Variants in STX8 observed in about 807,000 individuals in gnomAD.
STX8 encodes the protein syntaxin-8.
A neutral mutation model predicts 37.5 loss-of-function variants in STX8; 23 were observed. That is an observed-to-expected ratio of 0.61 (90% CI 0.44 to 0.87). The LOEUF (loss-of-function observed/expected upper bound fraction) is 0.87. Among genes scored for constraint, STX8 ranks in the 40% least tolerant of loss-of-function variants. The pLI is 0.00. For synonymous variants in STX8, 115 were observed against 99.1 expected (o/e 1.16, Z -0.95); for missense variants, 313 against 284.7 (o/e 1.10, Z -0.71).
chr17:9,455,105 A>C (rs748234222), intron 6 of STX8, among the ~76,000 whole-genome samples: 6 of 152,042 alleles, frequency 3.9e-5, no homozygotes, highest in Non-Finnish European at 8.8e-5. Flanking sequence ...AGTCCCAACT[A>C]CTTGGAAGGC....
At chr17:9,405,353 G>A (rs1165729108) in intron 6 of STX8, among the ~76,000 whole-genome samples, 1 of 152,152 alleles carries the variant, frequency 6.6e-6, no homozygotes, top group South Asian at 2.1e-4. Context: ...TTGGGGTTCT[G>A]AATGGCCATG....
At chr17:9,356,693 G>A (rs548666255) in intron 7 of STX8, among the ~76,000 whole-genome samples, 30 of 152,334 alleles carry the variant, frequency 2.0e-4, no homozygotes, top group African/African-American at 7.0e-4. Flanking sequence ...GCAAGTGTCT[G>A]TATTCTAACA....
chr17:9,363,940 GCTT>G (rs1911144250), intron 7 of STX8, among the ~76,000 whole-genome samples: 1 of 152,060 alleles, frequency 6.6e-6, no homozygotes, highest in African/African-American at 2.4e-5. Flanking sequence ...TCTCTCAAAG[GCTT>G]CAATTTGCCT....
intron 6 of STX8, among the ~76,000 whole-genome samples, chr17:9,380,468 G>A (rs73257812): frequency 0.019 from 2,886 of 151,684 alleles, 75 homozygotes; most frequent in African/African-American, 0.065. Context: ...CACCCAGGCT[G>A]GTCTCAAACT....
intron 6 of STX8, among the ~76,000 whole-genome samples, chr17:9,404,533 C>T (rs1912740865): frequency 6.6e-6 from 1 of 152,056 alleles, no homozygotes; most frequent in African/African-American, 2.4e-5. Context: ...CAGCTCACTG[C>T]AACCTCTGAC....
intron 7 of STX8, among the ~76,000 whole-genome samples, chr17:9,374,391 T>G (rs979070902): frequency 2.0e-5 from 3 of 152,120 alleles, no homozygotes; most frequent in African/African-American, 7.2e-5. Flanking sequence ...CAAAAGAAAT[T>G]TTTTTAAACA....
At chr17:9,378,365 C>A in intron 7 of STX8, 187 bp downstream of exon 7, 1 of 552,174 alleles carries the variant, frequency 1.8e-6, no homozygotes, top group Non-Finnish European at 3.3e-6. Context: ...ATGATATGCC[C>A]TTTGAACTCC....
At chr17:9,573,083 C>A (rs1487447328) in intron 1 of STX8, among the ~76,000 whole-genome samples, 7 of 138,242 alleles carry the variant, frequency 5.1e-5, no homozygotes, top group Admixed American at 7.1e-5. Flanking sequence ...CCCCAACACC[C>A]CCCCCCACCC....
chr17:9,568,121 C>T (rs989136487), intron 2 of STX8, among the ~76,000 whole-genome samples: 1 of 152,184 alleles, frequency 6.6e-6, no homozygotes, highest in Non-Finnish European at 1.5e-5. Flanking sequence ...AGTTTACTAA[C>T]CCCTGAACTA....
At chr17:9,360,716 G>T (rs931410510) in intron 7 of STX8, among the ~76,000 whole-genome samples, 3 of 146,986 alleles carry the variant, frequency 2.0e-5, no homozygotes, top group Admixed American at 1.4e-4. Context: ...TGAAAGCAAC[G>T]ACCGTTTTAA....
At chr17:9,422,128 G>T (rs1207764757) in intron 6 of STX8, among the ~76,000 whole-genome samples, 2 of 145,832 alleles carry the variant, frequency 1.4e-5, no homozygotes, top group African/African-American at 5.2e-5. Context: ...TTTTGAGACA[G>T]AGTTTCACTC....
At position 9,383,419 on chromosome 17, in the gene STX8, G is replaced by T. The variant is rs557046231; in HGVS notation, c.542-4766C>A. ...CAGACAAAGGGTATGACGAAATTCA[G>T]TGTCCATCCATGATACAAATTATCA... On this transcript the variant is annotated intron_variant, in intron 6 of 7. Transcript: ENST00000306357. 3.3e-5 allele frequency among the ~76,000 whole-genome samples: 5 copies of T among 152,340 alleles called. 1 individual carries two copies. In the South Asian group the frequency reaches 1.0e-3, roughly 32 times the overall value.
At chr17:9,319,302 C>T (rs1909488655) in intron 7 of STX8, among the ~76,000 whole-genome samples, 1 of 152,000 alleles carries the variant, frequency 6.6e-6, no homozygotes, top group Non-Finnish European at 1.5e-5. Flanking sequence ...GCCTGTAGTC[C>T]CAGCTACTCA....
chr17:9,487,767 C>A (rs774160785), intron 6 of STX8, among the ~76,000 whole-genome samples: 5 of 152,120 alleles, frequency 3.3e-5, no homozygotes, highest in Non-Finnish European at 5.9e-5. Context: ...GCAAAATGTG[C>A]GAGTCGAAGG....
chr17:9,343,742 C>CCA (rs141233118), intron 7 of STX8, among the ~76,000 whole-genome samples: 4,767 of 152,234 alleles, frequency 0.031, 97 homozygotes, highest in Non-Finnish European at 0.051. Context: ...TCAGCCAACC[C>CCA]CACCCCCTCC....
chr17:9,520,734 T>G (rs1190789939), intron 4 of STX8, among the ~76,000 whole-genome samples: 3 of 152,222 alleles, frequency 2.0e-5, no homozygotes, highest in Non-Finnish European at 4.4e-5. Context: ...ACAAATGAAG[T>G]TGAAGCTTGT....
chr17:9,287,892 A>T (rs1280198137), intron 7 of STX8, among the ~76,000 whole-genome samples: 1 of 151,980 alleles, frequency 6.6e-6, no homozygotes, highest in Non-Finnish European at 1.5e-5. Flanking sequence ...CTGGGATTAC[A>T]GGTGAGCACC....
At chr17:9,254,393 A>G (rs953340185) in intron 7 of STX8, among the ~76,000 whole-genome samples, 1 of 151,600 alleles carries the variant, frequency 6.6e-6, no homozygotes, top group African/African-American at 2.4e-5. Context: ...TTTCCATGGT[A>G]ACTCTTATTA....
chr17:9,410,568 G>C (rs1306207926), intron 6 of STX8, among the ~76,000 whole-genome samples: 1 of 152,164 alleles, frequency 6.6e-6, no homozygotes, highest in African/African-American at 2.4e-5. Flanking sequence ...GAAAAGCTAC[G>C]CATAGTGCAG....
Sources: allele counts gnomAD v4.1 joint callset (sites outside exome capture counted in the v4.1 genomes callset), GRCh38; gene constraint gnomAD v4.1.1; transcripts MANE v1.5; gene names NCBI Gene and HGNC (gene_info 2026-07-23, HGNC 2026-07-21).